STARD13: variants seen among roughly 807,000 people sequenced by gnomAD.
The protein encoded by STARD13 is stAR-related lipid transfer protein 13.
A neutral mutation model predicts 106.4 loss-of-function variants in STARD13; 62 were observed. That is an observed-to-expected ratio of 0.58 (90% CI 0.48 to 0.72). The LOEUF (loss-of-function observed/expected upper bound fraction) is 0.72, where lower values mean the gene tolerates loss of function less well. Ranked by LOEUF, STARD13 falls within the 30% of genes least tolerant of loss-of-function variation. The pLI, the probability that STARD13 is intolerant of heterozygous loss-of-function variation, is 0.00. For synonymous variants in STARD13, 565 were observed against 553.0 expected (o/e 1.02, Z -0.31); for missense variants, 1,387 against 1,424.0 (o/e 0.97, Z 0.42).
the STARD13 span, among the ~76,000 whole-genome samples, chr13:33,467,052 G>A: frequency 1.3e-5 from 2 of 151,914 alleles, no homozygotes; most frequent in East Asian, 3.9e-4. Context: ...TGAGGGGGTG[G>A]GGATGATTTG....
the STARD13 span, among the ~76,000 whole-genome samples, chr13:33,659,519 G>A: frequency 8.1e-4 from 124 of 152,258 alleles, 2 homozygotes; most frequent in East Asian, 0.012. Context: ...CAGCCAACCT[G>A]TGGCTTTTGA....
intron 1 of STARD13, among the ~76,000 whole-genome samples, chr13:33,259,831 T>A (rs1182795614): frequency 6.6e-6 from 1 of 152,040 alleles, no homozygotes; most frequent in Non-Finnish European, 1.5e-5. Context: ...CCTACCCAAA[T>A]CTCATCTTGA....
intron 3 of STARD13, among the ~76,000 whole-genome samples, chr13:33,146,503 G>A (rs546621456): frequency 6.6e-6 from 1 of 152,240 alleles, no homozygotes; most frequent in East Asian, 1.9e-4. Flanking sequence ...AAAGTTTTAT[G>A]TCACGATTGT....
chr13:33,554,094 G>A, the STARD13 span, among the ~76,000 whole-genome samples: 1 of 151,640 alleles, frequency 6.6e-6, no homozygotes, highest in African/African-American at 2.4e-5. Flanking sequence ...TGGGTATCTG[G>A]CCTAATCAAT....
At chr13:33,633,432 A>G in the STARD13 span, among the ~76,000 whole-genome samples, 1 of 152,224 alleles carries the variant, frequency 6.6e-6, no homozygotes, top group African/African-American at 2.4e-5. Context: ...AAAGATATAC[A>G]TATATACTTA....
At chr13:33,139,654 A>C (rs997982474) in intron 4 of STARD13, among the ~76,000 whole-genome samples, 1 of 152,240 alleles carries the variant, frequency 6.6e-6, no homozygotes, top group African/African-American at 2.4e-5. Context: ...CAAATAAATA[A>C]ATACTGAAGT....
the STARD13 span, among the ~76,000 whole-genome samples, chr13:33,507,927 G>A: frequency 6.6e-6 from 1 of 152,012 alleles, no homozygotes; most frequent in Non-Finnish European, 1.5e-5. Flanking sequence ...GGAAAAGGAG[G>A]GTTGGTCTTG....
At chr13:33,521,710 T>C in the STARD13 span, among the ~76,000 whole-genome samples, 1 of 152,168 alleles carries the variant, frequency 6.6e-6, no homozygotes, top group East Asian at 1.9e-4. Context: ...CAGATTATGA[T>C]TTTGTGAACG....
chr13:33,299,885 T>C (rs1317421910), intron 1 of STARD13, among the ~76,000 whole-genome samples: 1 of 152,230 alleles, frequency 6.6e-6, no homozygotes, highest in Non-Finnish European at 1.5e-5. Context: ...TTGAAAGTTA[T>C]TAACCTGTGA....
At chr13:33,601,087 AG>A in the STARD13 span, among the ~76,000 whole-genome samples, 1 of 152,220 alleles carries the variant, frequency 6.6e-6, no homozygotes, top group Non-Finnish European at 1.5e-5. Flanking sequence ...TGCAGCTCAC[AG>A]GGTAGAAGAT....
chr13:33,363,277 C>T, the STARD13 span, among the ~76,000 whole-genome samples: 3 of 152,166 alleles, frequency 2.0e-5, no homozygotes, highest in African/African-American at 7.2e-5. Context: ...CTTCTCAGTA[C>T]ACACACACAT....
At chr13:33,632,814 CTTTT>C in the STARD13 span, among the ~76,000 whole-genome samples, 3 of 142,630 alleles carry the variant, frequency 2.1e-5, no homozygotes, top group African/African-American at 2.6e-5. Context: ...GTTCTATATT[CTTTT>C]TTTTTTTTTC....
At chr13:33,599,923 C>T in the STARD13 span, among the ~76,000 whole-genome samples, 3 of 152,174 alleles carry the variant, frequency 2.0e-5, no homozygotes, top group Non-Finnish European at 4.4e-5. Flanking sequence ...CACAAAGTTT[C>T]TCCATGCATG....
chr13:33,559,951 C>A, the STARD13 span, among the ~76,000 whole-genome samples: 1 of 151,598 alleles, frequency 6.6e-6, no homozygotes, highest in Non-Finnish European at 1.5e-5. Flanking sequence ...TCAACAAGAA[C>A]TAAATGTGCT....
At chr13:33,647,790 CAT>C in the STARD13 span, among the ~76,000 whole-genome samples, 10 of 152,218 alleles carry the variant, frequency 6.6e-5, no homozygotes, top group African/African-American at 2.2e-4. Context: ...TATTCTGACA[CAT>C]GCGGAAAATA....
chr13:33,386,158 A>G, the STARD13 span, among the ~76,000 whole-genome samples: 1 of 152,172 alleles, frequency 6.6e-6, no homozygotes, highest in East Asian at 1.9e-4. Context: ...CCCAAGTGCC[A>G]TGGTTCTTTG....
intron 1 of STARD13, among the ~76,000 whole-genome samples, chr13:33,349,794 C>T (rs1426189385): frequency 6.6e-6 from 1 of 152,234 alleles, no homozygotes; most frequent in South Asian, 2.1e-4. Context: ...CCTCTACCCC[C>T]GAGTGGCTGG....
At chr13:33,186,123 G>T in intron 1 of STARD13, 1 of 1,426,774 alleles carries the variant, frequency 7.0e-7, no homozygotes, top group Non-Finnish European at 9.4e-7. Context: ...CCAGTGACCT[G>T]CGAAGCCTCA....
chr13:33,272,818 A>G (rs1251486135), intron 1 of STARD13: 2 of 152,256 alleles, frequency 1.3e-5, no homozygotes, highest in African/African-American at 4.8e-5. Context: ...AGAAGGAGGC[A>G]AAAGTGACAG....
Sources: allele counts gnomAD v4.1 joint callset (sites outside exome capture counted in the v4.1 genomes callset), GRCh38; gene constraint gnomAD v4.1.1; transcripts MANE v1.5; gene names NCBI Gene and HGNC (gene_info 2026-07-23, HGNC 2026-07-21).